Variants in PRMT3 observed in about 807,000 individuals in gnomAD.
PRMT3 encodes protein arginine methyltransferase 3, also known as protein arginine N-methyltransferase 3.
PRMT3 carries 62 observed loss-of-function variants against 71.9 expected under a neutral mutation model. That is an observed-to-expected ratio of 0.86 (90% CI 0.70 to 1.07). The LOEUF (loss-of-function observed/expected upper bound fraction) is 1.07, where lower values mean the gene tolerates loss of function less well. Among genes scored for constraint, PRMT3 ranks in the 50% least tolerant of loss-of-function variants. PRMT3 has a pLI of 0.00. For synonymous variants in PRMT3, 213 were observed against 220.4 expected, an observed-to-expected ratio of 0.97 and a Z score of 0.30; for missense variants, 663 against 643.0, an observed-to-expected ratio of 1.03 and a Z score of -0.34.
chr11:20,415,350 G>A (rs1263790378), intron 9 of PRMT3, among the ~76,000 whole-genome samples: 4 of 152,056 alleles, frequency 2.6e-5, no homozygotes, highest in Non-Finnish European at 2.9e-5. Context: ...CAGTGGTTCT[G>A]TCTTTGTGGG....
intron 13 of PRMT3, among the ~76,000 whole-genome samples, chr11:20,472,910 G>A (rs1565227669): frequency 6.6e-6 from 1 of 151,952 alleles, no homozygotes. Flanking sequence ...ATTTATCACC[G>A]CCTCAATTTC....
chr11:20,501,857 T>C (rs1210236731), intron 15 of PRMT3, among the ~76,000 whole-genome samples: 1 of 152,194 alleles, frequency 6.6e-6, no homozygotes, highest in Admixed American at 6.5e-5. Flanking sequence ...TTTGAAAATA[T>C]AAAATCAGGC....
chr11:20,433,735 C>G (rs1272345566), intron 10 of PRMT3, among the ~76,000 whole-genome samples: 3 of 152,114 alleles, frequency 2.0e-5, no homozygotes, highest in African/African-American at 7.2e-5. Context: ...ATTCTCCAAC[C>G]TCGGCCTCCA....
At chr11:20,476,120 C>T (rs568438494) in intron 13 of PRMT3, among the ~76,000 whole-genome samples, 55 of 151,816 alleles carry the variant, frequency 3.6e-4, no homozygotes, top group Middle Eastern at 3.4e-3. Context: ...GAGGCCGAGG[C>T]GAGTGGATCA....
intron 9 of PRMT3, among the ~76,000 whole-genome samples, chr11:20,411,639 A>G (rs1011118521): frequency 6.6e-6 from 1 of 152,142 alleles, no homozygotes; most frequent in African/African-American, 2.4e-5. Flanking sequence ...CATTTGTGAC[A>G]AAGATCACTA....
At chr11:20,443,683 G>A (rs1849959703) in intron 10 of PRMT3, among the ~76,000 whole-genome samples, 1 of 152,262 alleles carries the variant, frequency 6.6e-6, no homozygotes, top group South Asian at 2.1e-4. Flanking sequence ...AGACCCACAC[G>A]TGCCTTGGGA....
At position 20,486,874 on chromosome 11, in the gene PRMT3, C is replaced by T. The variant is rs150213465; in HGVS notation, c.1348-7045C>T. Among the ~76,000 whole-genome samples the T allele has an allele frequency of 9.6e-3, 1,458 of 151,912 alleles. 30 individuals carry two copies. Among genetic ancestry groups the T allele is most frequent in the African/African-American group, 0.034 (1,403 of 41,434 alleles). ...GAGTTCAAGACCAGCCTGGCCAACA[C>T]GGTGAAACCTCGTCTCTACTAAAAT... On this transcript the variant is annotated intron_variant, in intron 13 of 15. Coordinates refer to ENST00000331079, the MANE Select transcript of PRMT3 (RefSeq NM_005788.4).
intron 7 of PRMT3, among the ~76,000 whole-genome samples, chr11:20,398,109 A>G (rs1848869731): frequency 6.6e-6 from 1 of 152,064 alleles, no homozygotes; most frequent in Non-Finnish European, 1.5e-5. Flanking sequence ...TTTTCCTTAA[A>G]ATATTGGAAA....
intron 15 of PRMT3, among the ~76,000 whole-genome samples, chr11:20,500,862 C>T (rs1024451194): frequency 3.3e-5 from 5 of 152,054 alleles, no homozygotes; most frequent in Middle Eastern, 3.2e-3. Context: ...TAAGTAACAC[C>T]GTAAAGTTAG....
intron 13 of PRMT3, among the ~76,000 whole-genome samples, chr11:20,467,571 C>A (rs143596735): frequency 6.6e-6 from 1 of 151,978 alleles, no homozygotes; most frequent in African/African-American, 2.4e-5. Flanking sequence ...GGCAAATAGT[C>A]CAGCAGTTGG....
intron 15 of PRMT3, among the ~76,000 whole-genome samples, chr11:20,504,417 T>C (rs1851530510): frequency 6.6e-6 from 1 of 152,156 alleles, no homozygotes; most frequent in African/African-American, 2.4e-5. Flanking sequence ...ATGGCAAGAT[T>C]TACACAAACA....
intron 15 of PRMT3, among the ~76,000 whole-genome samples, chr11:20,499,510 TGAGCTACACAG>T (rs1439296570): frequency 6.6e-6 from 1 of 152,122 alleles, no homozygotes; most frequent in African/African-American, 2.4e-5. Context: ...AACTGTAGTC[TGAGCTACACAG>T]GAGGCTGAGG....
rs1329436956 is a variant in PRMT3 at position 20,509,027 on chromosome 11, C to T, written c.*614C>T. On this transcript the variant is annotated 3_prime_UTR_variant, in exon 16 of 16. Transcript: ENST00000331079. ...AGTTTCTTCCCTCTTTGTGACTATTCCTTAGCCTTATAGATTTCTAGTACT... is the reference window on the plus strand; with the variant it reads ...AGTTTCTTCCCTCTTTGTGACTATTTCTTAGCCTTATAGATTTCTAGTACT... 1.3e-5 allele frequency: 2 copies of T among 155,454 alleles called. No homozygotes were observed. Among genetic ancestry groups the T allele is most frequent in the East Asian group, 1.9e-4 (1 of 5,340 alleles). 9.6% of individuals were successfully genotyped at this position (155,454 alleles called of 1,614,324 possible). A position where few individuals can be genotyped will look rare whatever the true frequency, so the allele number is the denominator to read the frequency against.
intron 9 of PRMT3, 86 bp downstream of exon 9, chr11:20,408,118 A>AAATTCTGT: frequency 1.0e-6 from 1 of 954,484 alleles, no homozygotes; most frequent in Non-Finnish European, 1.5e-6. Flanking sequence ...TAGCTATCTA[A>AAATTCTGT]GGCAGACTAA....
chr11:20,495,130 G>A (rs1397387005), intron 15 of PRMT3, among the ~76,000 whole-genome samples: 2 of 152,048 alleles, frequency 1.3e-5, no homozygotes, highest in East Asian at 3.9e-4. Context: ...CTGGGTTCAA[G>A]CAATTCTCCT....
intron 10 of PRMT3, among the ~76,000 whole-genome samples, chr11:20,449,203 T>C (rs1850095353): frequency 6.6e-6 from 1 of 152,194 alleles, no homozygotes; most frequent in African/African-American, 2.4e-5. Flanking sequence ...CATGAATGTC[T>C]TATTAGTTCT....
chr11:20,494,507 T>C (rs1851289179), intron 15 of PRMT3, among the ~76,000 whole-genome samples: 1 of 152,132 alleles, frequency 6.6e-6, no homozygotes, highest in Admixed American at 6.5e-5. Context: ...CTAATGTTTG[T>C]ATTTTTAGTA....
rs567959089 is a variant in PRMT3 at position 20,479,621 on chromosome 11, A to G, written c.1348-14298A>G. Among the ~76,000 whole-genome samples, 16 of 152,312 alleles carry G rather than the reference A, an allele frequency of 1.1e-4. 1 individual carries two copies. In the South Asian group the frequency reaches 3.3e-3, roughly 32 times the overall value. On this transcript the variant is annotated intron_variant, in intron 13 of 15. Coordinates refer to ENST00000331079, the MANE Select transcript of PRMT3 (RefSeq NM_005788.4). ...ATTAGGTGAAGTATGTGTGCCGAAT[A>G]TAGGTTTGTCAGAGGTTCTCTAATT...
At chr11:20,508,281 C>A in intron 15 of PRMT3, 23 bp from the exon 16 acceptor site, 1 of 1,442,312 alleles carries the variant, frequency 6.9e-7, no homozygotes, top group Non-Finnish European at 9.7e-7. Flanking sequence ...GAATTCTTAA[C>A]AATTTTTGCC....
Sources: allele counts gnomAD v4.1 joint callset (sites outside exome capture counted in the v4.1 genomes callset), GRCh38; gene constraint gnomAD v4.1.1; transcripts MANE v1.5; gene names NCBI Gene and HGNC (gene_info 2026-07-23, HGNC 2026-07-21).